The following KDM4C variants were observed in gnomAD, a reference collection of about 807,000 sequenced individuals.
KDM4C encodes lysine-specific demethylase 4C.
A neutral mutation model predicts 129.3 loss-of-function variants in KDM4C; 81 were observed. The ratio of observed to expected loss-of-function variants is 0.63; its 90% CI spans 0.52 to 0.75. The LOEUF (loss-of-function observed/expected upper bound fraction) is 0.75, where lower values mean the gene tolerates loss of function less well. Ranked by LOEUF, KDM4C falls within the 30% of genes least tolerant of loss-of-function variation. The pLI, the probability that KDM4C is intolerant of heterozygous loss-of-function variation, is 0.00. For missense variants in KDM4C, 1,457 were observed against 1,304.0 expected (o/e 1.12, Z -1.81); for synonymous variants, 573 against 456.1 (o/e 1.26, Z -3.26).
At chr9:7,012,147 C>G (rs191532795) in intron 13 of KDM4C, among the ~76,000 whole-genome samples, 47 of 152,330 alleles carry the variant, frequency 3.1e-4, no homozygotes, top group African/African-American at 9.9e-4. Context: ...TGACTCCGTG[C>G]AGGCTTGTAC....
intron 2 of KDM4C, among the ~76,000 whole-genome samples, chr9:6,793,542 CTTT>C (rs921927883): frequency 7.3e-6 from 1 of 137,668 alleles, no homozygotes; most frequent in African/African-American, 2.8e-5. Flanking sequence ...TTCTTTCTTT[CTTT>C]TTTTTTTTTT....
At chr9:7,116,840 G>T (rs1838950889) in intron 18 of KDM4C, among the ~76,000 whole-genome samples, 1 of 152,136 alleles carries the variant, frequency 6.6e-6, no homozygotes, top group Non-Finnish European at 1.5e-5. Context: ...TGTAAGCAGT[G>T]TGTCTTTATA....
intron 21 of KDM4C, chr9:7,170,831 A>G (rs957612602): frequency 3.0e-5 from 27 of 900,092 alleles, no homozygotes; most frequent in Non-Finnish European, 3.6e-5. Flanking sequence ...GGGATGTCCA[A>G]TCTTTTTGCA....
chr9:7,131,506 TG>T (rs1186430592), intron 19 of KDM4C, among the ~76,000 whole-genome samples: 1 of 152,162 alleles, frequency 6.6e-6, no homozygotes, highest in Admixed American at 6.5e-5. Context: ...TTTGTAGAGA[TG>T]GGGTCTCACC....
At chr9:6,835,632 A>G (rs1835742769) in intron 4 of KDM4C, 1 of 804,414 alleles carries the variant, frequency 1.2e-6, no homozygotes, top group South Asian at 1.4e-5. Flanking sequence ...TGACTTGTGC[A>G]GAAAACAAGA....
At chr9:7,165,381 G>C (rs767427440) in intron 20 of KDM4C, 24 bp downstream of exon 20, 1 of 1,610,960 alleles carries the variant, frequency 6.2e-7, no homozygotes, top group Admixed American at 1.7e-5. Context: ...TCTCTGTGAT[G>C]CTTGCTAAGA....
intron 1 of KDM4C, among the ~76,000 whole-genome samples, chr9:6,768,873 A>G (rs3847265): frequency 0.033 from 5,071 of 152,036 alleles, 117 homozygotes; most frequent in South Asian, 0.061. Flanking sequence ...CCCGGGTTCA[A>G]GTGATTCTCC....
intron 19 of KDM4C, among the ~76,000 whole-genome samples, chr9:7,159,324 C>G (rs898526778): frequency 1.3e-5 from 2 of 152,138 alleles, no homozygotes; most frequent in Admixed American, 1.3e-4. Flanking sequence ...GCATTTAGCC[C>G]ATTTACATTT....
intron 5 of KDM4C, among the ~76,000 whole-genome samples, chr9:6,853,362 C>G (rs547721623): frequency 1.3e-5 from 2 of 151,956 alleles, no homozygotes; most frequent in Admixed American, 1.3e-4. Flanking sequence ...CATAGTGGCT[C>G]ACGCCTGTAG....
intron 1 of KDM4C, among the ~76,000 whole-genome samples, chr9:6,771,230 C>CT (rs1343553681): frequency 6.6e-6 from 1 of 151,564 alleles, no homozygotes; most frequent in Non-Finnish European, 1.5e-5. Flanking sequence ...TGCACCTGGC[C>CT]TGATTGTGAA....
chr9:7,114,785 C>T (rs765806153), intron 18 of KDM4C, among the ~76,000 whole-genome samples: 1 of 152,128 alleles, frequency 6.6e-6, no homozygotes, highest in Non-Finnish European at 1.5e-5. Context: ...GACCTAGACC[C>T]CACGGTGGGG....
chr9:6,826,836 C>T (rs1833961750), intron 4 of KDM4C, among the ~76,000 whole-genome samples: 2 of 150,510 alleles, frequency 1.3e-5, no homozygotes, highest in Non-Finnish European at 2.9e-5. Flanking sequence ...CACTGCACTC[C>T]AGCCTGGGCG....
At chr9:7,007,974 A>C (rs920397619) in intron 12 of KDM4C, among the ~76,000 whole-genome samples, 3 of 152,160 alleles carry the variant, frequency 2.0e-5, no homozygotes, top group African/African-American at 7.2e-5. Flanking sequence ...TTTAACAACT[A>C]TCAATGCTCA....
At chr9:7,056,242 A>G (rs1448567089) in intron 17 of KDM4C, among the ~76,000 whole-genome samples, 1 of 152,178 alleles carries the variant, frequency 6.6e-6, no homozygotes, top group Non-Finnish European at 1.5e-5. Flanking sequence ...GTGTCTTATT[A>G]TTTAACACGG....
intron 3 of KDM4C, among the ~76,000 whole-genome samples, chr9:6,812,179 T>C (rs1303392765): frequency 1.3e-5 from 2 of 151,262 alleles, no homozygotes; most frequent in East Asian, 3.9e-4. Flanking sequence ...GGAGGTTGCA[T>C]TGAGCCGAGA....
At chr9:7,097,069 T>C (rs918936086) in intron 17 of KDM4C, among the ~76,000 whole-genome samples, 1 of 152,176 alleles carries the variant, frequency 6.6e-6, no homozygotes, top group Non-Finnish European at 1.5e-5. Flanking sequence ...ATGTTTTTCC[T>C]CCTTCTTCAT....
At chr9:7,068,380 T>C (rs1228439239) in intron 17 of KDM4C, among the ~76,000 whole-genome samples, 2 of 152,326 alleles carry the variant, frequency 1.3e-5, no homozygotes, top group East Asian at 3.9e-4. Flanking sequence ...CTTTTATGTA[T>C]ACAATTTGAT....
At position 7,009,495 on chromosome 9, in the gene KDM4C, T is replaced by C. The variant is rs116019112; in HGVS notation, c.1787-2203T>C. Among the ~76,000 whole-genome samples, 398 of 152,272 alleles carry C rather than the reference T, an allele frequency of 2.6e-3. 2 individuals are homozygous for C. The highest frequency in any genetic ancestry group is 6.4e-3 in the African/African-American group (266 of 41,554). ...AGATTTAATAAAATTGATGCTTTTT[T>C]CCCCCCATCAAAGGTGTTATTAAGA... On this transcript the variant is annotated intron_variant, in intron 12 of 21. Coordinates refer to ENST00000381309, the MANE Select transcript of KDM4C (RefSeq NM_015061.6).
rs1027577874 is a variant in KDM4C at position 6,758,731 on chromosome 9, C to G, written c.-18+528C>G. On this transcript the variant is annotated intron_variant, in intron 1 of 21. Transcript: ENST00000381309. The surrounding 1 kb of genome is among the most constrained non-coding windows in gnomAD (Gnocchi z 4.6). ...CCTCGCGGCTGTCCTTTTGGTGTTT[C>G]TTTCCCCCGGCATGGGGCCATTTCT... 1.3e-5 allele frequency among the ~76,000 whole-genome samples: 2 copies of G among 152,230 alleles called. No homozygotes were observed. The highest frequency in any genetic ancestry group is 4.8e-5 in the African/African-American group (2 of 41,462).
Sources: allele counts gnomAD v4.1 joint callset (sites outside exome capture counted in the v4.1 genomes callset), GRCh38; gene constraint gnomAD v4.1.1; non-coding constraint Gnocchi (gnomAD v3.1); transcripts MANE v1.5; gene names NCBI Gene and HGNC (gene_info 2026-07-23, HGNC 2026-07-21).